MECOM: variants seen among roughly 807,000 people sequenced by gnomAD.
MECOM encodes histone-lysine N-methyltransferase MECOM.
MECOM carries 13 observed loss-of-function variants against 116.3 expected under a neutral mutation model. That is an observed-to-expected ratio of 0.11 (90% confidence interval 0.07 to 0.18). The LOEUF (loss-of-function observed/expected upper bound fraction) is 0.18. Ranked by LOEUF, MECOM falls within the 10% of genes least tolerant of loss-of-function variation. MECOM has a pLI of 1.00. For missense variants in MECOM, 1,299 were observed against 1,509.0 expected (o/e 0.86, Z 2.31); for synonymous variants, 528 against 535.2 (o/e 0.99, Z 0.19).
intron 8 of MECOM, among the ~76,000 whole-genome samples, chr3:169,114,776 A>AT (rs1287930847): frequency 4.6e-5 from 7 of 152,150 alleles, no homozygotes; most frequent in African/African-American, 1.7e-4. Flanking sequence ...TCACCCCAAG[A>AT]TTTTTTTGCT....
chr3:169,200,700 AT>A (rs1323824092), intron 2 of MECOM, among the ~76,000 whole-genome samples: 1 of 152,066 alleles, frequency 6.6e-6, no homozygotes, highest in Non-Finnish European at 1.5e-5. Context: ...TATACTAAAG[AT>A]TAAAACTATT....
chr3:169,146,176 A>C (rs1167582837), intron 2 of MECOM: 7 of 1,078,694 alleles, frequency 6.5e-6, no homozygotes. Context: ...CTTTAGAGAA[A>C]GGCCCTTTCA....
chr3:169,102,019 G>A, intron 11 of MECOM, 41 bp downstream of exon 11: 1 of 1,561,448 alleles, frequency 6.4e-7, no homozygotes, highest in Non-Finnish European at 8.7e-7. Flanking sequence ...AATCAGAGGG[G>A]AGATTTCTGG....
chr3:169,271,714 A>G lies in MECOM; in HGVS notation c.375+109473T>C, dbSNP rs555771992. ...ATGGCACATGTATACCTATGTAACA[A>G]ACCTGCACATTGTGCACATGTACCC... On this transcript the variant is annotated intron_variant, in intron 2 of 16. Coordinates refer to ENST00000651503, the MANE Select transcript of MECOM (RefSeq NM_004991.4). 1.2e-3 allele frequency among the ~76,000 whole-genome samples: 186 copies of G among 152,280 alleles called. 2 individuals carry two copies. Among genetic ancestry groups the G allele is most frequent in the African/African-American group, 4.1e-3 (172 of 41,550 alleles).
At chr3:169,255,857 T>G (rs1423777921) in intron 2 of MECOM, among the ~76,000 whole-genome samples, 1 of 152,164 alleles carries the variant, frequency 6.6e-6, no homozygotes. Flanking sequence ...TACTAATTTT[T>G]TAATCCATTT....
intron 2 of MECOM, among the ~76,000 whole-genome samples, chr3:169,179,566 CA>C (rs35691166): frequency 4.6e-5 from 7 of 152,164 alleles, no homozygotes; most frequent in Non-Finnish European, 8.8e-5. Flanking sequence ...AAAATCAACA[CA>C]AAGTCAACAA....
chr3:169,145,031 C>G (rs1051914904), intron 2 of MECOM: 2 of 1,555,676 alleles, frequency 1.3e-6, no homozygotes, highest in African/African-American at 1.4e-5. Context: ...GCTCCAAGGG[C>G]TTTAGTCAAG....
chr3:169,503,413 A>G (rs1364535848), intron 1 of MECOM, among the ~76,000 whole-genome samples: 1 of 152,190 alleles, frequency 6.6e-6, no homozygotes, highest in African/African-American at 2.4e-5. Context: ...CACAGGACAT[A>G]TATGTTAAAT....
intron 1 of MECOM, among the ~76,000 whole-genome samples, chr3:169,384,665 T>C (rs1240826885): frequency 6.6e-6 from 1 of 152,188 alleles, no homozygotes; most frequent in Non-Finnish European, 1.5e-5. Flanking sequence ...AATGTGTCCA[T>C]GTAAGCGGGA....
intron 2 of MECOM, among the ~76,000 whole-genome samples, chr3:169,207,832 T>C (rs1436513391): frequency 6.6e-6 from 1 of 152,160 alleles, no homozygotes; most frequent in Non-Finnish European, 1.5e-5. Context: ...AGAGATGATT[T>C]TAACCAATAT....
chr3:169,105,339 G>A lies in MECOM; in HGVS notation c.2604+2587C>T, dbSNP rs563851964. On this transcript the variant is annotated intron_variant, in intron 10 of 16. Coordinates refer to ENST00000651503, the MANE Select transcript of MECOM (RefSeq NM_004991.4). The stretch of plus-strand genomic sequence containing the variant: ...TTAGATTAAGATATTGGATTAACAC[G>A]AACTCTATTGAGTGCACAGATCAAA... Among the ~76,000 whole-genome samples, 7 of 152,186 alleles carry A rather than the reference G, an allele frequency of 4.6e-5. No individual in the cohort carries two copies. The East Asian group carries it at 1.2e-3, about 25-fold the overall frequency.
chr3:169,131,380 A>C, intron 4 of MECOM, 49 bp downstream of exon 4: 15 of 1,414,082 alleles, frequency 1.1e-5, no homozygotes, highest in Non-Finnish European at 1.4e-5. Flanking sequence ...ATGCTACTTT[A>C]TAGTCGCGAT....
intron 1 of MECOM, chr3:169,623,991 C>T (rs1457130612): frequency 6.6e-6 from 1 of 152,222 alleles, no homozygotes; most frequent in African/African-American, 2.4e-5. Flanking sequence ...AACACGACTA[C>T]TTAATTACCA....
chr3:169,180,186 T>C lies in MECOM; in HGVS notation c.376-36354A>G, dbSNP rs1000615052. Among the ~76,000 whole-genome samples, 4 of 152,326 alleles carry C rather than the reference T, an allele frequency of 2.6e-5. 1 individual carries two copies. The South Asian group carries it at 6.2e-4, about 24-fold the overall frequency. On this transcript the variant is annotated intron_variant, in intron 2 of 16. Transcript: ENST00000651503. ...ACCTTAAAGTTCAGGCCCAATATTA[T>C]TTCCATTTAGAAAATTATTTGTATA... is the stretch of plus-strand genomic sequence containing the variant.
At chr3:169,431,345 A>G (rs1268039576) in intron 1 of MECOM, among the ~76,000 whole-genome samples, 1 of 152,168 alleles carries the variant, frequency 6.6e-6, no homozygotes, top group Non-Finnish European at 1.5e-5. Flanking sequence ...TGTGGTTACT[A>G]AGAGGCTGCG....
intron 1 of MECOM, among the ~76,000 whole-genome samples, chr3:169,388,463 T>C (rs754032876): frequency 2.0e-5 from 3 of 152,144 alleles, no homozygotes; most frequent in Middle Eastern, 3.4e-3. Flanking sequence ...AAATCTTCTA[T>C]GAGAATGGCC....
intron 2 of MECOM, among the ~76,000 whole-genome samples, chr3:169,247,060 A>G (rs554162272): frequency 6.6e-6 from 1 of 152,260 alleles, no homozygotes; most frequent in South Asian, 2.1e-4. Context: ...AATATATAAT[A>G]TTATACCATC....
chr3:169,632,280 G>A (rs1415869845), intron 1 of MECOM, among the ~76,000 whole-genome samples: 2 of 151,890 alleles, frequency 1.3e-5, no homozygotes, highest in South Asian at 2.1e-4. Context: ...CTCATATCAC[G>A]TGAGATTCAT....
intron 9 of MECOM, among the ~76,000 whole-genome samples, chr3:169,109,575 C>T (rs967034734): frequency 3.9e-5 from 6 of 152,056 alleles, no homozygotes; most frequent in African/African-American, 1.4e-4. Context: ...CTACCACGCC[C>T]GGCTAAATTT....
Sources: allele counts gnomAD v4.1 joint callset (sites outside exome capture counted in the v4.1 genomes callset), GRCh38; gene constraint gnomAD v4.1.1; transcripts MANE v1.5; gene names NCBI Gene and HGNC (gene_info 2026-07-23, HGNC 2026-07-21).